Variants in ADCY3 observed in about 807,000 individuals in gnomAD.
ADCY3 encodes the protein adenylate cyclase 3, also known as adenylate cyclase type 3.
ADCY3 carries 70 observed loss-of-function variants against 119.4 expected under a neutral mutation model. The observed-to-expected ratio is 0.59, with a 90% CI of 0.48 to 0.72. The LOEUF (loss-of-function observed/expected upper bound fraction) is 0.72, where lower values mean the gene tolerates loss of function less well. Ranked by LOEUF, ADCY3 falls within the 30% of genes least tolerant of loss-of-function variation. The pLI is 0.00. For synonymous variants in ADCY3, 672 were observed against 621.4 expected (o/e 1.08, Z -1.21); for missense variants, 1,238 against 1,541.6 (o/e 0.80, Z 3.30).
chr2:24,913,114 G>A (rs1664000033), intron 2 of ADCY3, among the ~76,000 whole-genome samples: 1 of 152,210 alleles, frequency 6.6e-6, no homozygotes, highest in Admixed American at 6.5e-5. Context: ...GGGCCAAAGA[G>A]CCAGGACTGG....
intron 3 of ADCY3, among the ~76,000 whole-genome samples, chr2:24,843,445 C>T (rs1346814191): frequency 6.6e-6 from 1 of 152,214 alleles, no homozygotes; most frequent in Non-Finnish European, 1.5e-5. Flanking sequence ...GTTGCCCAAG[C>T]TGGTCTTGGA....
At chr2:24,859,469 C>A (rs74377248) in intron 3 of ADCY3, among the ~76,000 whole-genome samples, 10,452 of 152,258 alleles carry the variant, frequency 0.069, 435 homozygotes, top group East Asian at 0.095. Flanking sequence ...GCTCTGACTC[C>A]CCTCTCCCCT....
intron 3 of ADCY3, among the ~76,000 whole-genome samples, chr2:24,846,608 C>A (rs949601104): frequency 1.4e-5 from 2 of 147,006 alleles, no homozygotes; most frequent in African/African-American, 5.1e-5. Flanking sequence ...GACGAAGTCT[C>A]GCTCTTGTCC....
intron 2 of ADCY3, among the ~76,000 whole-genome samples, chr2:24,889,409 C>T (rs972778002): frequency 3.3e-5 from 5 of 152,154 alleles, no homozygotes; most frequent in Admixed American, 2.6e-4. Context: ...TCCATGTTGC[C>T]GGGGCATCAC....
chr2:24,839,611 G>C lies in ADCY3; in HGVS notation c.1355+262C>G, dbSNP rs904910008. 7.2e-5 allele frequency among the ~76,000 whole-genome samples: 11 copies of C among 152,206 alleles called. No homozygotes were observed. In the East Asian group the frequency reaches 7.7e-4, roughly 11 times the overall value. On this transcript the variant is annotated intron_variant, in intron 7 of 21. Transcript: ENST00000679454. Reference sequence around the variant, plus strand: ...GAGGCAGCCCCCTAAGTCGGTAAAGGGGACAGGAGGACAGGCTACTGCAGG... The same window carrying C: ...GAGGCAGCCCCCTAAGTCGGTAAAGCGGACAGGAGGACAGGCTACTGCAGG...
chr2:24,835,044 G>A (rs1670118937), intron 9 of ADCY3, 108 bp from the exon 10 acceptor site: 6 of 1,367,368 alleles, frequency 4.4e-6, no homozygotes, highest in Non-Finnish European at 6.0e-6. Context: ...GGCATACTCG[G>A]AGGACCAATC....
rs1319728053 is a variant in ADCY3, at chr2:24,880,996, T to C, written c.676-8277A>G. On this transcript the variant is annotated intron_variant, in intron 2 of 21. Transcript: ENST00000679454. ...CACCACTGCACTCCAGCCTGGGCAA[T>C]AGAGTGAGACTCCACCTCAAAAAAA... Among the ~76,000 whole-genome samples the C allele has an allele frequency of 5.4e-5, 8 of 147,046 alleles. No individual in the cohort carries two copies. In the South Asian group the frequency reaches 8.7e-4, roughly 16 times the overall value.
chr2:24,855,439 C>T (rs1433409677), intron 3 of ADCY3, among the ~76,000 whole-genome samples: 1 of 152,112 alleles, frequency 6.6e-6, no homozygotes, highest in Non-Finnish European at 1.5e-5. Context: ...CGGGAAGAGC[C>T]GAGCAGGGGT....
chr2:24,881,292 T>C (rs546724409), intron 2 of ADCY3, among the ~76,000 whole-genome samples: 16 of 152,174 alleles, frequency 1.1e-4, no homozygotes, highest in African/African-American at 3.4e-4. Context: ...AACCCACAGA[T>C]GTGCAAGTGA....
chr2:24,882,428 T>A (rs1676509340), intron 2 of ADCY3, among the ~76,000 whole-genome samples: 1 of 152,184 alleles, frequency 6.6e-6, no homozygotes, highest in Admixed American at 6.5e-5. Context: ...CTCCTAAGGA[T>A]CTGTTACTCC....
intron 2 of ADCY3, among the ~76,000 whole-genome samples, chr2:24,883,496 CA>C (rs545904795): frequency 2.6e-5 from 4 of 152,174 alleles, no homozygotes; most frequent in Non-Finnish European, 5.9e-5. Flanking sequence ...TCTGAAAACA[CA>C]GAGCTTTCAC....
chr2:24,831,152 A>C (rs1669440780), intron 12 of ADCY3, among the ~76,000 whole-genome samples: 1 of 151,638 alleles, frequency 6.6e-6, no homozygotes, highest in Admixed American at 6.6e-5. Context: ...ACTCCTGCCT[A>C]TCCTGGCTCC....
chr2:24,840,649 G>A, intron 6 of ADCY3: 1 of 414,058 alleles, frequency 2.4e-6, no homozygotes, highest in South Asian at 1.8e-5. Context: ...GTTGGTGCCT[G>A]ATGTCACCCC....
At chr2:24,884,569 A>G (rs1046246232) in intron 2 of ADCY3, among the ~76,000 whole-genome samples, 5 of 132,904 alleles carry the variant, frequency 3.8e-5, no homozygotes, top group African/African-American at 1.5e-4. Flanking sequence ...TCCGCCTCCC[A>G]GGTTCAAGCG....
chr2:24,821,691 C>A, intron 19 of ADCY3, 51 bp from the exon 20 acceptor site: 1 of 1,597,946 alleles, frequency 6.3e-7, no homozygotes, highest in Non-Finnish European at 8.5e-7. Flanking sequence ...ACTGCAGCAG[C>A]CTGCTCTGCT....
Position 24,841,447 on chromosome 2 carries a change from G to T in ADCY3, c.1069-61C>A, listed in dbSNP as rs566535665. On this transcript the variant is annotated intron_variant, in intron 5 of 21. Transcript: ENST00000679454. This position sits in a 1 kb window ranked among gnomAD's most constrained non-coding sequence, Gnocchi z 5.8. ...TCCTCAGTGAGGGAGGAGTGGCCAA[G>T]AAAGCAGAGGAAGGACAGTGGGAGA... The T allele has an allele frequency of 5.0e-6, 8 of 1,596,972 alleles. No homozygotes were observed. In the African/African-American group the frequency reaches 1.1e-4, roughly 21 times the overall value.
intron 3 of ADCY3, among the ~76,000 whole-genome samples, chr2:24,851,940 T>C (rs1572889683): frequency 1.3e-5 from 2 of 152,202 alleles, no homozygotes; most frequent in East Asian, 3.9e-4. Context: ...GAGAGATGGA[T>C]TGGAGACTGA....
chr2:24,822,427 TTA>T, intron 19 of ADCY3, 82 bp downstream of exon 19: 1 of 1,568,408 alleles, frequency 6.4e-7, no homozygotes, highest in Non-Finnish European at 8.7e-7. Context: ...ACAGCAGTTC[TTA>T]TTTCCCCCAT....
intron 2 of ADCY3, chr2:24,877,857 C>T (rs1003935715): frequency 1.1e-5 from 5 of 470,574 alleles, no homozygotes; most frequent in Admixed American, 9.4e-5. Context: ...CTTCTGGGCC[C>T]AAGGGCAACA....
Sources: gnomAD v4.1 joint callset for allele counts (sites outside exome capture counted in the v4.1 genomes callset) on GRCh38, gnomAD v4.1.1 for gene constraint, Gnocchi (gnomAD v3.1) non-coding constraint, MANE v1.5 for transcripts, NCBI Gene and HGNC (gene_info 2026-07-23, HGNC 2026-07-21) for gene names.